RAPGEF6: variants seen among roughly 807,000 people sequenced by gnomAD.
RAPGEF6 encodes Rap guanine nucleotide exchange factor 6, also known as PDZ domain containing guanine nucleotide exchange factor (GEF) 2.
RAPGEF6 carries 56 observed loss-of-function variants against 171.4 expected under a neutral mutation model. The observed-to-expected ratio is 0.33, with a 90% CI of 0.26 to 0.41. The LOEUF (loss-of-function observed/expected upper bound fraction) is 0.41. Among genes scored for constraint, RAPGEF6 ranks in the 10% least tolerant of loss-of-function variants. The pLI, the probability that RAPGEF6 is intolerant of heterozygous loss-of-function variation, is 1.00. For synonymous variants in RAPGEF6, 692 were observed against 650.1 expected, an observed-to-expected ratio of 1.06 and a Z score of -0.98; for missense variants, 1,674 against 1,921.4, an observed-to-expected ratio of 0.87 and a Z score of 2.41.
intron 3 of RAPGEF6, among the ~76,000 whole-genome samples, chr5:131,596,443 C>T (rs1763910404): frequency 6.6e-6 from 1 of 151,372 alleles, no homozygotes; most frequent in African/African-American, 2.4e-5. Context: ...GCTTGTAAAG[C>T]AAATATCATT....
chr5:131,546,896 C>G (rs553539816), intron 6 of RAPGEF6, among the ~76,000 whole-genome samples: 2 of 152,200 alleles, frequency 1.3e-5, no homozygotes, highest in Non-Finnish European at 1.5e-5. Flanking sequence ...AGTTATATAA[C>G]TGTGTAATAG....
chr5:131,428,386 C>T (rs1751496596), intron 27 of RAPGEF6, among the ~76,000 whole-genome samples: 1 of 152,050 alleles, frequency 6.6e-6, no homozygotes, highest in East Asian at 1.9e-4. Context: ...GCACTCTAAG[C>T]TTGGGCAACA....
intron 19 of RAPGEF6, 76 bp downstream of exon 19, chr5:131,461,629 G>C: frequency 7.4e-7 from 1 of 1,349,718 alleles, no homozygotes; most frequent in Non-Finnish European, 1.0e-6. Context: ...CATAGGCATT[G>C]AATACCTAAG....
intron 22 of RAPGEF6, among the ~76,000 whole-genome samples, chr5:131,443,534 C>A (rs1048343065): frequency 3.9e-5 from 6 of 152,190 alleles, no homozygotes; most frequent in African/African-American, 1.4e-4. Flanking sequence ...AGTGACTCTG[C>A]CAAAATGAGT....
chr5:131,563,277 C>T (rs1235943791), intron 4 of RAPGEF6, among the ~76,000 whole-genome samples: 2 of 151,354 alleles, frequency 1.3e-5, no homozygotes, highest in Non-Finnish European at 3.0e-5. Flanking sequence ...AACAAAATAC[C>T]AAAAAACATC....
chr5:131,440,149 T>C (rs1428706678), intron 23 of RAPGEF6: 1 of 448,244 alleles, frequency 2.2e-6, no homozygotes, highest in Admixed American at 2.5e-5. Context: ...TCACTACCTG[T>C]GGTGCATCTG....
chr5:131,517,827 T>A (rs1758201154), intron 7 of RAPGEF6, among the ~76,000 whole-genome samples: 1 of 147,766 alleles, frequency 6.8e-6, no homozygotes, highest in Admixed American at 6.9e-5. Flanking sequence ...ACACACAAAA[T>A]TTAGTTAGAC....
At chr5:131,469,777 T>C (rs1342632836) in intron 17 of RAPGEF6, 5 of 1,473,698 alleles carry the variant, frequency 3.4e-6, no homozygotes, top group Non-Finnish European at 2.7e-6. Flanking sequence ...GGCAATAGAA[T>C]ACTACAGTCT....
At chr5:131,470,725 A>G (rs1284216596) in intron 17 of RAPGEF6, among the ~76,000 whole-genome samples, 1 of 152,234 alleles carries the variant, frequency 6.6e-6, no homozygotes, top group Admixed American at 6.5e-5. Context: ...AGCAAACAAT[A>G]GGAGAGACTG....
At chr5:131,449,066 T>C (rs1047500588) in intron 21 of RAPGEF6, among the ~76,000 whole-genome samples, 5 of 152,194 alleles carry the variant, frequency 3.3e-5, no homozygotes, top group Non-Finnish European at 7.4e-5. Context: ...TCTTCTTACA[T>C]GTAATAAAAG....
In RAPGEF6 at chr5:131,428,887, A is replaced by G; in HGVS notation, c.4780+15T>C. On this transcript the variant is annotated intron_variant, in intron 27 of 27. Coordinates refer to ENST00000509018, the MANE Select transcript of RAPGEF6 (RefSeq NM_016340.6). ...CAATTCATTTAAGAGCCTTTAAGAG[A>G]GCTTGTCAACATACCATCTGCTTCG... 6.2e-7 allele frequency: 1 copy of G among 1,605,312 alleles called. No homozygotes were observed. The highest frequency in any genetic ancestry group is 8.5e-7 in the Non-Finnish European group (1 of 1,173,238).
intron 1 of RAPGEF6, among the ~76,000 whole-genome samples, chr5:131,613,906 C>T (rs904344280): frequency 7.2e-5 from 11 of 152,066 alleles, no homozygotes; most frequent in African/African-American, 1.7e-4. Context: ...CTAGTGACAC[C>T]GAGAAGCAAG....
chr5:131,504,065 T>C (rs1757192426), intron 11 of RAPGEF6, among the ~76,000 whole-genome samples: 1 of 152,184 alleles, frequency 6.6e-6, no homozygotes. Context: ...GCATACAATA[T>C]TAAGTTTGAA....
chr5:131,626,861 CT>C (rs1323141465), intron 1 of RAPGEF6, among the ~76,000 whole-genome samples: 2 of 152,128 alleles, frequency 1.3e-5, no homozygotes, highest in Non-Finnish European at 2.9e-5. Flanking sequence ...AACAGCTTCT[CT>C]TTTAATTCAC....
chr5:131,547,402 C>T (rs1158294294), intron 6 of RAPGEF6, among the ~76,000 whole-genome samples: 1 of 151,940 alleles, frequency 6.6e-6, no homozygotes, highest in Non-Finnish European at 1.5e-5. Context: ...CCTCTCCCCT[C>T]AAAAATACAC....
rs942767518 is a variant in RAPGEF6 at position 131,611,919 on chromosome 5, C to T, written c.70-7226G>A. On this transcript the variant is annotated intron_variant, in intron 1 of 27. Coordinates refer to ENST00000509018, the MANE Select transcript of RAPGEF6 (RefSeq NM_016340.6). ...TCATGCCTTATTATGTAACAATAGCCGGAGTAAGTGTGGCCATATAGAGAC... is the reference window on the plus strand; with the variant it reads ...TCATGCCTTATTATGTAACAATAGCTGGAGTAAGTGTGGCCATATAGAGAC... Among the ~76,000 whole-genome samples the T allele has an allele frequency of 3.9e-5, 6 of 152,062 alleles. No homozygotes were observed. The East Asian group carries it at 7.7e-4, about 20-fold the overall frequency.
At chr5:131,524,869 G>C (rs763006969) in intron 6 of RAPGEF6, among the ~76,000 whole-genome samples, 16 of 152,128 alleles carry the variant, frequency 1.1e-4, no homozygotes, top group Admixed American at 5.9e-4. Flanking sequence ...GCCTGCCTCA[G>C]CCTCCCAAAG....
chr5:131,561,727 T>C (rs1488076342), intron 5 of RAPGEF6, among the ~76,000 whole-genome samples: 2 of 151,532 alleles, frequency 1.3e-5, no homozygotes, highest in Non-Finnish European at 2.9e-5. Context: ...TCTAATTTTC[T>C]GGTAGAAGGG....
At chr5:131,504,868 C>A (rs1431680337) in intron 10 of RAPGEF6, 90 bp from the exon 11 acceptor site, 3 of 1,205,994 alleles carry the variant, frequency 2.5e-6, no homozygotes, top group Non-Finnish European at 3.3e-6. Context: ...GGTAAGAAAT[C>A]TAGCGGCATT....
Sources: gnomAD v4.1 joint callset for allele counts (sites outside exome capture counted in the v4.1 genomes callset) on GRCh38, gnomAD v4.1.1 for gene constraint, MANE v1.5 for transcripts, NCBI Gene and HGNC (gene_info 2026-07-23, HGNC 2026-07-21) for gene names.